The following LIMCH1 variants were observed in gnomAD, a reference collection of about 807,000 sequenced individuals.
The protein encoded by LIMCH1 is LIM and calponin homology domains-containing protein 1.
Under a neutral mutation model 176.5 loss-of-function variants are expected in LIMCH1, and 113 were observed. The observed-to-expected ratio is 0.64, with a 90% CI of 0.55 to 0.75. The LOEUF is 0.75. Ranked by LOEUF, LIMCH1 falls within the 30% of genes least tolerant of loss-of-function variation. The pLI, the probability that LIMCH1 is intolerant of heterozygous loss-of-function variation, is 0.00. For missense variants in LIMCH1, 1,674 were observed against 1,814.9 expected (o/e 0.92, Z 1.41); for synonymous variants, 619 against 645.9 (o/e 0.96, Z 0.63).
At chr4:41,389,606 A>G (rs1258958078) in intron 1 of LIMCH1, 1 of 152,534 alleles carries the variant, frequency 6.6e-6, no homozygotes, top group Non-Finnish European at 1.5e-5. Flanking sequence ...ACAGAGGAAA[A>G]TATTTCAGTG....
At chr4:41,510,831 C>T (rs771796446) in intron 2 of LIMCH1, among the ~76,000 whole-genome samples, 3 of 152,266 alleles carry the variant, frequency 2.0e-5, no homozygotes, top group East Asian at 1.9e-4. Context: ...TCAGGTGATC[C>T]GCCCACCTCG....
At chr4:41,669,505 CA>C (rs2094942715) in intron 21 of LIMCH1, among the ~76,000 whole-genome samples, 2 of 152,176 alleles carry the variant, frequency 1.3e-5, no homozygotes, top group Admixed American at 1.3e-4. Flanking sequence ...CACAGTGTCT[CA>C]TTCAGTAGGT....
intron 5 of LIMCH1, among the ~76,000 whole-genome samples, chr4:41,616,673 T>A (rs1356284492): frequency 6.6e-6 from 1 of 152,172 alleles, no homozygotes; most frequent in African/African-American, 2.4e-5. Context: ...ACTTTTGAGG[T>A]GTCAGCCTCA....
At chr4:41,581,805 CAAAAAAAAAAAAAAAAAA>C (rs56150312) in intron 1 of LIMCH1, among the ~76,000 whole-genome samples, 1 of 76,192 alleles carries the variant, frequency 1.3e-5, no homozygotes, top group Admixed American at 1.8e-4. Flanking sequence ...GACTCTGTCT[CAAAAAAAAAAAAAAAAAA>C]AAAAAAACAA....
intron 1 of LIMCH1, among the ~76,000 whole-genome samples, chr4:41,427,183 A>C (rs2061187269): frequency 6.6e-6 from 1 of 152,162 alleles, no homozygotes; most frequent in African/African-American, 2.4e-5. Context: ...TGATGGCTTG[A>C]GATCTTTTAA....
At chr4:41,480,689 G>A (rs940525519) in intron 1 of LIMCH1, among the ~76,000 whole-genome samples, 1 of 152,166 alleles carries the variant, frequency 6.6e-6, no homozygotes, top group Non-Finnish European at 1.5e-5. Flanking sequence ...GCACATCTCT[G>A]CTCCTGGAAA....
intron 1 of LIMCH1, among the ~76,000 whole-genome samples, chr4:41,435,546 A>G (rs1444995429): frequency 6.6e-6 from 1 of 152,250 alleles, no homozygotes; most frequent in Non-Finnish European, 1.5e-5. Context: ...TAAACCAGTC[A>G]CTTAGAAACA....
chr4:41,448,569 T>A (rs2063514309), intron 1 of LIMCH1, among the ~76,000 whole-genome samples: 1 of 152,292 alleles, frequency 6.6e-6, no homozygotes, highest in South Asian at 2.1e-4. Flanking sequence ...TGGTAACAGT[T>A]TTATTGAGAA....
At chr4:41,380,826 C>T (rs1271811669) in intron 1 of LIMCH1, among the ~76,000 whole-genome samples, 1 of 152,156 alleles carries the variant, frequency 6.6e-6, no homozygotes, top group Non-Finnish European at 1.5e-5. Context: ...TGTCTGCCAA[C>T]AACATCATTC....
chr4:41,618,828 G>C (rs2092341442), intron 5 of LIMCH1, among the ~76,000 whole-genome samples: 1 of 152,174 alleles, frequency 6.6e-6, no homozygotes, highest in Non-Finnish European at 1.5e-5. Context: ...CATGCAGCAG[G>C]GGCTCAGTGA....
chr4:41,620,877 C>G (rs895680617), intron 7 of LIMCH1, among the ~76,000 whole-genome samples, 187 bp downstream of exon 7: 1 of 152,186 alleles, frequency 6.6e-6, no homozygotes, highest in Non-Finnish European at 1.5e-5. Flanking sequence ...TAAGTACCTC[C>G]TGGGTATTTT....
chr4:41,531,620 C>G (rs1254177050), intron 3 of LIMCH1, among the ~76,000 whole-genome samples: 4 of 151,990 alleles, frequency 2.6e-5, no homozygotes, highest in African/African-American at 4.8e-5. Context: ...TGCTTCTTAC[C>G]CTTTTGTCTG....
chr4:41,398,464 A>T (rs962808323), intron 1 of LIMCH1, among the ~76,000 whole-genome samples: 1 of 151,866 alleles, frequency 6.6e-6, no homozygotes, highest in Non-Finnish European at 1.5e-5. Flanking sequence ...CATATTTGGT[A>T]TTTTTTTTCT....
intron 1 of LIMCH1, among the ~76,000 whole-genome samples, chr4:41,437,404 G>A (rs546285311): frequency 2.3e-4 from 35 of 152,314 alleles, no homozygotes; most frequent in African/African-American, 7.9e-4. Flanking sequence ...TGCTGATTGA[G>A]AGTGAGAAAG....
intron 31 of LIMCH1, chr4:41,693,094 T>C (rs2153090954): frequency 1.3e-5 from 2 of 152,332 alleles, no homozygotes; most frequent in Middle Eastern, 6.8e-3. Context: ...AATCTGAAAA[T>C]GGCCAGTGGC....
At chr4:41,397,652 G>T (rs1021233025) in intron 1 of LIMCH1, among the ~76,000 whole-genome samples, 4 of 150,918 alleles carry the variant, frequency 2.7e-5, no homozygotes, top group Non-Finnish European at 5.9e-5. Flanking sequence ...AAGAAGTACA[G>T]ATACAGAAAA....
At chr4:41,441,930 A>G (rs1253097817) in intron 1 of LIMCH1, among the ~76,000 whole-genome samples, 1 of 152,206 alleles carries the variant, frequency 6.6e-6, no homozygotes, top group Non-Finnish European at 1.5e-5. Context: ...AGACTCAGAA[A>G]TGATTTTGCT....
chr4:41,508,844 G>A (rs2074491812), intron 2 of LIMCH1, among the ~76,000 whole-genome samples: 1 of 152,158 alleles, frequency 6.6e-6, no homozygotes, highest in South Asian at 2.1e-4. Flanking sequence ...AGGAAGGACT[G>A]GAGACTTTTA....
chr4:41,645,358 T>C (rs1184038101), intron 15 of LIMCH1, among the ~76,000 whole-genome samples: 1 of 152,256 alleles, frequency 6.6e-6, no homozygotes, highest in Non-Finnish European at 1.5e-5. Context: ...AACAATTATG[T>C]CTAAAGTATC....
Sources: allele counts gnomAD v4.1 joint callset (sites outside exome capture counted in the v4.1 genomes callset), GRCh38; gene constraint gnomAD v4.1.1; transcripts MANE v1.5; gene names NCBI Gene and HGNC (gene_info 2026-07-23, HGNC 2026-07-21).